EML6: variants seen among roughly 807,000 people sequenced by gnomAD.
The protein encoded by EML6 is EMAP like 6.
Under a neutral mutation model 240.1 loss-of-function variants are expected in EML6, and 154 were observed. The ratio of observed to expected loss-of-function variants is 0.64; its 90% CI spans 0.56 to 0.73. The LOEUF is 0.73. EML6 is among the 30% of genes least tolerant of loss of function. EML6 has a pLI of 0.00. For synonymous variants in EML6, 1,148 were observed against 899.0 expected, an observed-to-expected ratio of 1.28 and a Z score of -4.95; for missense variants, 2,964 against 2,474.6, an observed-to-expected ratio of 1.20 and a Z score of -4.20.
Position 54,968,229 on chromosome 2 carries a change from GA to G in EML6, c.5700del (p.Asp1901MetfsTer6). On this transcript the variant is annotated frameshift_variant, in exon 40 of 42. Transcript: ENST00000356458. LOFTEE classifies it high-confidence loss of function. ...VTHAGLNIVTGDDFGLVKLFD... is the reference protein window; with the variant it reads ...VTHAGLNIVTXDDFGLVKLFD... ...CACGCTGGCCTGAACATTGTCACAG[GA>G]GATGACTTTGGGCTGGTGAAGCTCT... The G allele has an allele frequency of 6.4e-7, 1 of 1,551,772 alleles. No homozygotes were observed.
intron 21 of EML6, among the ~76,000 whole-genome samples, chr2:54,897,835 G>C (rs962820938): frequency 1.3e-5 from 2 of 152,074 alleles, no homozygotes; most frequent in Non-Finnish European, 1.5e-5. Context: ...TATGTGCAGT[G>C]GAATAAGGGC....
At chr2:54,769,829 G>A in intron 2 of EML6, among the ~76,000 whole-genome samples, 1 of 152,126 alleles carries the variant, frequency 6.6e-6, no homozygotes, top group Non-Finnish European at 1.5e-5. Context: ...AGATCCGTAG[G>A]ACTTGTTAAT....
At chr2:54,936,774 C>T (rs1030190035) in intron 28 of EML6, among the ~76,000 whole-genome samples, 1 of 152,084 alleles carries the variant, frequency 6.6e-6, no homozygotes, top group African/African-American at 2.4e-5. Flanking sequence ...CATTATTTTA[C>T]TTATAGCATT....
intron 7 of EML6, 97 bp downstream of exon 7, chr2:54,829,574 G>A: frequency 3.2e-6 from 3 of 945,140 alleles, no homozygotes; most frequent in African/African-American, 1.7e-5. Flanking sequence ...TTTTAAAAAG[G>A]CAGTTTATAT....
At chr2:54,877,671 T>C (rs1671582749) in intron 16 of EML6, among the ~76,000 whole-genome samples, 1 of 152,230 alleles carries the variant, frequency 6.6e-6, no homozygotes, top group African/African-American at 2.4e-5. Context: ...CATTTAAGCA[T>C]AAGGGGATAT....
At position 54,725,696 on chromosome 2, in the gene EML6, G is replaced by A. The variant is rs760290581; in HGVS notation, c.197+438G>A. On this transcript the variant is annotated intron_variant, in intron 2 of 41. Coordinates refer to ENST00000356458, the MANE Select transcript of EML6 (RefSeq NM_001039753.4). This position sits in a 1 kb window ranked among gnomAD's most constrained non-coding sequence, Gnocchi z 4.3. ...CAAGAGGATTAAAAAAGATCTAAAAGAAATTTTACTACTGGTAATTTGGAA... is the reference window on the plus strand; with the variant it reads ...CAAGAGGATTAAAAAAGATCTAAAAAAAATTTTACTACTGGTAATTTGGAA... 8.5e-5 allele frequency among the ~76,000 whole-genome samples: 13 copies of A among 152,208 alleles called. No homozygotes were observed. The highest frequency in any genetic ancestry group is 1.5e-4 in the Non-Finnish European group (10 of 68,036).
Position 54,869,901 on chromosome 2 carries a change from T to A in EML6, c.2238+534T>A, listed in dbSNP as rs190556008. ...GAAAAAGCTGCTAAAACAGGGACCC[T>A]CTACAATCATTTGGGAGTGTAAAGA... On this transcript the variant is annotated intron_variant, in intron 15 of 41. Transcript: ENST00000356458. Among the ~76,000 whole-genome samples the A allele has an allele frequency of 6.8e-4, 103 of 152,308 alleles. 1 individual carries two copies. The highest frequency in any genetic ancestry group is 1.7e-3 in the Admixed American group (26 of 15,302).
chr2:54,922,928 A>T (rs1459940582), intron 26 of EML6, among the ~76,000 whole-genome samples: 41 of 140,798 alleles, frequency 2.9e-4, no homozygotes, highest in African/African-American at 1.0e-3. Flanking sequence ...GTCAAAGGGT[A>T]TAAACTTTTT....
chr2:54,889,674 T>A (rs1003393599), intron 17 of EML6, among the ~76,000 whole-genome samples: 26 of 152,206 alleles, frequency 1.7e-4, no homozygotes, highest in African/African-American at 6.0e-4. Flanking sequence ...TGTAGTCATT[T>A]TAAAATTTCC....
intron 2 of EML6, among the ~76,000 whole-genome samples, chr2:54,784,193 A>G (rs1055649587): frequency 6.6e-6 from 1 of 152,012 alleles, no homozygotes; most frequent in Admixed American, 6.6e-5. Context: ...TGGTCCTCCT[A>G]CCTCAGCCTC....
At chr2:54,947,316 G>T (rs542882893) in intron 28 of EML6, among the ~76,000 whole-genome samples, 1 of 152,256 alleles carries the variant, frequency 6.6e-6, no homozygotes, top group East Asian at 1.9e-4. Context: ...CCAGTCTCCC[G>T]ATTTTGCTCA....
chr2:54,855,463 C>A (rs1380912036), intron 11 of EML6, among the ~76,000 whole-genome samples: 2 of 137,548 alleles, frequency 1.5e-5, no homozygotes, highest in East Asian at 2.4e-4. Flanking sequence ...ACCATGCCCC[C>A]CCCCCGCCCT....
chr2:54,961,184 G>GTTGTTTTTTTTTTTTTGTTTTT lies in EML6; in HGVS notation c.4968+852_4968+853insGTTTTTTTTTTTTTGTTTTTTT. On this transcript the variant is annotated intron_variant, in intron 35 of 41. Transcript: ENST00000356458. ...GGAGCCTGGAAGTTATCAGGAAGTA[G>GTTGTTTTTTTTTTTTTGTTTTT]TTTTTTTTTTTTTTTTTTTGAGACG... Among the ~76,000 whole-genome samples the GTTGTTTTTTTTTTTTTGTTTTT allele has an allele frequency of 9.0e-5, 5 of 55,424 alleles. 1 individual carries two copies. The highest frequency in any genetic ancestry group is 2.7e-4 in the Admixed American group (1 of 3,714). The allele number at this position is 55,424 out of a possible 152,430, so 36.4% of individuals were successfully genotyped here. A position where few individuals can be genotyped will look rare whatever the true frequency, so the allele number is the denominator to read the frequency against.
chr2:54,796,276 A>T (rs965268533), intron 2 of EML6, among the ~76,000 whole-genome samples: 11 of 152,196 alleles, frequency 7.2e-5, no homozygotes, highest in African/African-American at 2.4e-4. Context: ...TGACTGAGGA[A>T]ATATTTCCTC....
intron 7 of EML6, among the ~76,000 whole-genome samples, chr2:54,841,438 T>A (rs1297218865): frequency 6.6e-6 from 1 of 152,178 alleles, no homozygotes; most frequent in Non-Finnish European, 1.5e-5. Flanking sequence ...GAAAAACTAC[T>A]TTCTCTTAAT....
chr2:54,873,579 A>T (rs1671364236), intron 16 of EML6, among the ~76,000 whole-genome samples: 1 of 151,222 alleles, frequency 6.6e-6, no homozygotes, highest in Non-Finnish European at 1.5e-5. Context: ...TATTTCAAAG[A>T]TGTGGATGAA....
chr2:54,843,626 C>T (rs191113581), intron 7 of EML6, among the ~76,000 whole-genome samples: 47 of 151,978 alleles, frequency 3.1e-4, no homozygotes, highest in Middle Eastern at 3.4e-3. Context: ...GGGCGGATCA[C>T]GAGGTCAGGA....
At chr2:54,760,752 G>A (rs1174940781) in intron 2 of EML6, among the ~76,000 whole-genome samples, 2 of 151,598 alleles carry the variant, frequency 1.3e-5, no homozygotes, top group African/African-American at 4.9e-5. Context: ...CTGGAATTCG[G>A]AAGATTTCAA....
rs79838196 is a variant in EML6 at position 54,871,329 on chromosome 2, C to G, written c.2239-171C>G. Among the ~76,000 whole-genome samples the G allele has an allele frequency of 8.3e-3, 1,259 of 152,312 alleles. 16 individuals carry two copies. The highest frequency in any genetic ancestry group is 0.029 in the African/African-American group (1,195 of 41,562). ...GGACAAGCCTCTTAGAGATACAGTG[C>G]CTCAGTTTCCTCATCTCAAAAATAA... On this transcript the variant is annotated intron_variant, in intron 15 of 41. Transcript: ENST00000356458.
Sources: allele counts gnomAD v4.1 joint callset (sites outside exome capture counted in the v4.1 genomes callset), GRCh38; gene constraint gnomAD v4.1.1; non-coding constraint Gnocchi (gnomAD v3.1); transcripts MANE v1.5; gene names NCBI Gene and HGNC (gene_info 2026-07-23, HGNC 2026-07-21).